CIMIP2C: variants seen among roughly 807,000 people sequenced by gnomAD.
CIMIP2C encodes the protein ciliary microtubule inner protein 2C.
At chr2:26,563,725 A>T in the CIMIP2C span, among the ~76,000 whole-genome samples, 7 of 152,224 alleles carry the variant, frequency 4.6e-5, no homozygotes, top group Non-Finnish European at 8.8e-5. Flanking sequence ...TGGCAACATG[A>T]AGAAAAGTGT....
At chr2:26,572,844 C>A in the CIMIP2C span, among the ~76,000 whole-genome samples, 2 of 151,868 alleles carry the variant, frequency 1.3e-5, no homozygotes, top group African/African-American at 4.8e-5. Flanking sequence ...ACAGGCTGCC[C>A]GATGGTTCCA....
chr2:26,575,107 C>T, the CIMIP2C span, among the ~76,000 whole-genome samples: 1 of 152,208 alleles, frequency 6.6e-6, no homozygotes, highest in Non-Finnish European at 1.5e-5. Context: ...TCACCAAGGC[C>T]TCCGCTCGCC....
chr2:26,564,124 G>C, the CIMIP2C span, among the ~76,000 whole-genome samples: 1 of 152,222 alleles, frequency 6.6e-6, no homozygotes, highest in Admixed American at 6.5e-5. Context: ...AACACATAAG[G>C]TTTAGTTCAA....
At chr2:26,573,941 C>T in the CIMIP2C span, among the ~76,000 whole-genome samples, 1 of 152,242 alleles carries the variant, frequency 6.6e-6, no homozygotes. Flanking sequence ...TGTGAGCTTC[C>T]CTACAGTGAG....
the CIMIP2C span, among the ~76,000 whole-genome samples, chr2:26,566,231 G>A: frequency 6.6e-6 from 1 of 152,316 alleles, no homozygotes; most frequent in African/African-American, 2.4e-5. Context: ...AGTGAGGGCA[G>A]GAGGATTTGC....
At chr2:26,569,512 G>T in the CIMIP2C span, among the ~76,000 whole-genome samples, 2 of 152,314 alleles carry the variant, frequency 1.3e-5, no homozygotes, top group Non-Finnish European at 2.9e-5. Context: ...ATGCATTGTG[G>T]AATGTGGACA....
chr2:26,574,937 A>T, the CIMIP2C span, among the ~76,000 whole-genome samples: 2 of 152,168 alleles, frequency 1.3e-5, no homozygotes, highest in Admixed American at 1.3e-4. Context: ...TGAGGCATGC[A>T]TGGGGGCACA....
chr2:26,562,794 G>A, the CIMIP2C span: 2 of 980,232 alleles, frequency 2.0e-6, no homozygotes, highest in Middle Eastern at 2.1e-4. Context: ...GAACCCCGAG[G>A]AGCCAATTTT....
the CIMIP2C span, chr2:26,562,632 G>C: frequency 1.3e-6 from 2 of 1,585,764 alleles, no homozygotes; most frequent in Non-Finnish European, 8.6e-7. Context: ...CGCAGCGCGG[G>C]CACCCTACTG....
At chr2:26,577,501 T>G in the CIMIP2C span, 272 of 1,610,026 alleles carry the variant, frequency 1.7e-4, no homozygotes, top group Non-Finnish European at 2.3e-4. Flanking sequence ...CATCTCTTCC[T>G]TGATTGAACC....
the CIMIP2C span, among the ~76,000 whole-genome samples, chr2:26,565,697 G>A: frequency 2.0e-5 from 3 of 152,174 alleles, no homozygotes; most frequent in Admixed American, 6.6e-5. Context: ...CAATGGGGAT[G>A]ATCACGGTGT....
At chr2:26,575,483 G>T in the CIMIP2C span, among the ~76,000 whole-genome samples, 1 of 152,196 alleles carries the variant, frequency 6.6e-6, no homozygotes, top group African/African-American at 2.4e-5. Flanking sequence ...GGGGTATCTG[G>T]TGTTCTGGCC....
the CIMIP2C span, chr2:26,572,255 A>G: frequency 5.2e-6 from 6 of 1,153,744 alleles, no homozygotes; most frequent in East Asian, 1.7e-4. Flanking sequence ...TTCTGTAACT[A>G]GCATTCACCT....
the CIMIP2C span, among the ~76,000 whole-genome samples, chr2:26,564,804 C>T: frequency 6.6e-6 from 1 of 152,308 alleles, no homozygotes; most frequent in East Asian, 1.9e-4. Context: ...CGAGAATATT[C>T]ATGCTGGTGT....
chr2:26,572,843 C>T, the CIMIP2C span, among the ~76,000 whole-genome samples: 3 of 152,074 alleles, frequency 2.0e-5, no homozygotes. Context: ...CACAGGCTGC[C>T]CGATGGTTCC....
At chr2:26,565,503 C>T in the CIMIP2C span, among the ~76,000 whole-genome samples, 4,311 of 152,276 alleles carry the variant, frequency 0.028, 189 homozygotes, top group African/African-American at 0.098. Context: ...CCCCAACTCA[C>T]CCCAATATCT....
chr2:26,569,780 C>A, the CIMIP2C span, among the ~76,000 whole-genome samples: 1 of 152,062 alleles, frequency 6.6e-6, no homozygotes, highest in Non-Finnish European at 1.5e-5. Context: ...TGGATGGGAG[C>A]AGATGAAGGG....
chr2:26,576,904 T>C, the CIMIP2C span, among the ~76,000 whole-genome samples: 1 of 152,248 alleles, frequency 6.6e-6, no homozygotes, highest in Non-Finnish European at 1.5e-5. Context: ...CATTCTCTCC[T>C]GTGTTCCCAA....
chr2:26,564,396 A>G, the CIMIP2C span, among the ~76,000 whole-genome samples: 1 of 152,106 alleles, frequency 6.6e-6, no homozygotes, highest in Non-Finnish European at 1.5e-5. Flanking sequence ...GTGCTTTCCT[A>G]TTCCTGCCAC....
Sources: allele counts gnomAD v4.1 joint callset (sites outside exome capture counted in the v4.1 genomes callset), GRCh38; gene constraint gnomAD v4.1.1; transcripts MANE v1.5; gene names NCBI Gene and HGNC (gene_info 2026-07-23, HGNC 2026-07-21).